MEGF6: variants seen among roughly 807,000 people sequenced by gnomAD.
The protein encoded by MEGF6 is multiple EGF like domains 6, also known as multiple epidermal growth factor-like domains protein 6.
MEGF6 carries 184 observed loss-of-function variants against 207.1 expected under a neutral mutation model. The observed-to-expected ratio is 0.89, with a 90% CI of 0.79 to 1.00. The LOEUF is 1.00. Among genes scored for constraint, MEGF6 ranks in the 50% least tolerant of loss-of-function variants. The pLI, the probability that MEGF6 is intolerant of heterozygous loss-of-function variation, is 0.00. For synonymous variants in MEGF6, 1,038 were observed against 910.0 expected (o/e 1.14, Z -2.53); for missense variants, 2,282 against 2,202.9 (o/e 1.04, Z -0.72).
At chr1:3,557,229 G>A (rs1180636976) in intron 4 of MEGF6, among the ~76,000 whole-genome samples, 1 of 152,238 alleles carries the variant, frequency 6.6e-6, no homozygotes, top group Non-Finnish European at 1.5e-5. Context: ...CCTGAGCTGG[G>A]ATTCTACCTT....
intron 1 of MEGF6, among the ~76,000 whole-genome samples, chr1:3,607,433 AATTG>A (rs1644265828): frequency 6.7e-6 from 1 of 149,204 alleles, no homozygotes; most frequent in African/African-American, 2.6e-5. Flanking sequence ...CCCCCAACAA[AATTG>A]ATTGATCATC....
At chr1:3,544,044 C>T (rs968708935) in intron 4 of MEGF6, among the ~76,000 whole-genome samples, 4 of 152,034 alleles carry the variant, frequency 2.6e-5, no homozygotes, top group South Asian at 2.1e-4. Flanking sequence ...AGAGCCTCTG[C>T]GCGCCGCACC....
chr1:3,492,906 C>T, intron 34 of MEGF6, 139 bp from the exon 35 acceptor site: 2 of 1,245,752 alleles, frequency 1.6e-6, no homozygotes, highest in Non-Finnish European at 2.2e-6. Flanking sequence ...GAGCTAAGAC[C>T]TTGGGCCTCG....
intron 5 of MEGF6, among the ~76,000 whole-genome samples, chr1:3,517,673 C>T (rs1245581119): frequency 1.3e-5 from 2 of 152,194 alleles, no homozygotes; most frequent in Non-Finnish European, 2.9e-5. Flanking sequence ...CCAGCCACCC[C>T]TACCCAGGCC....
chr1:3,499,324 G>T (rs1217107167), intron 23 of MEGF6, 58 bp from the exon 24 acceptor site: 18 of 1,541,840 alleles, frequency 1.2e-5, no homozygotes, highest in Non-Finnish European at 1.6e-5. Context: ...GGGGTTGGCA[G>T]CAGATCACAG....
chr1:3,500,767 G>A lies in MEGF6; in HGVS notation c.2576-3C>T, dbSNP rs760092637. 6.2e-7 allele frequency: 1 copy of A among 1,605,590 alleles called. No homozygotes were observed. The highest frequency in any genetic ancestry group is 8.5e-7 in the Non-Finnish European group (1 of 1,176,440). On this transcript the variant is annotated splice_region_variant and splice_polypyrimidine_tract_variant and intron_variant, in intron 20 of 36. Transcript: ENST00000356575. ...TCCCCAGTGCCCAGTATCACAGGCT[G>A]CAACAGAACTCAGGGTCACCCGGCG...
intron 4 of MEGF6, among the ~76,000 whole-genome samples, chr1:3,551,478 G>A (rs950279838): frequency 2.6e-5 from 4 of 152,128 alleles, no homozygotes; most frequent in Admixed American, 1.3e-4. Flanking sequence ...CCTCCCCTGG[G>A]ACCAGGCACT....
At chr1:3,578,515 G>A (rs539974874) in intron 4 of MEGF6, among the ~76,000 whole-genome samples, 18 of 150,206 alleles carry the variant, frequency 1.2e-4, no homozygotes, top group African/African-American at 4.4e-4. Context: ...ATGTCACAGG[G>A]CAATGACAGG....
Position 3,514,699 on chromosome 1 carries a change from T to C in MEGF6, c.731-27A>G. 2.6e-6 allele frequency: 4 copies of C among 1,548,756 alleles called. 1 individual carries two copies. Among genetic ancestry groups the C allele is most frequent in the South Asian group, 2.3e-5 (2 of 85,570 alleles). On this transcript the variant is annotated intron_variant, in intron 6 of 36. Transcript: ENST00000356575. ...TGCAGCCACGGGCCCGAGGAGGGGG[T>C]TGGGGAGAGGGGACCCCAGTGGCTG...
intron 3 of MEGF6, among the ~76,000 whole-genome samples, chr1:3,581,465 T>C (rs549556204): frequency 3.3e-5 from 5 of 152,256 alleles, no homozygotes; most frequent in Non-Finnish European, 7.4e-5. Context: ...GAAGTTGCCA[T>C]GACCCTGGAG....
At chr1:3,593,469 C>T (rs1487539881) in intron 3 of MEGF6, among the ~76,000 whole-genome samples, 1 of 149,744 alleles carries the variant, frequency 6.7e-6, no homozygotes, top group African/African-American at 2.5e-5. Flanking sequence ...GGGGCACCCC[C>T]ACCCCCGCCC....
rs755535178 is a variant in MEGF6 at position 3,498,702 on chromosome 1, C to G, written c.3219G>C (p.Glu1073Asp). 1 of 1,566,992 alleles carries G rather than the reference C, an allele frequency of 6.4e-7. No individual in the cohort carries two copies. The highest frequency in any genetic ancestry group is 8.6e-7 in the Non-Finnish European group (1 of 1,158,784). ...CPEGWAGLAC[E>D]KECLPRDVRA... The stretch of plus-strand genomic sequence containing the variant: ...CCTCTGCCGCCCAGCGCTCACCCTT[C>G]TCACAGGCCAGGCCGGCCCAGCCCT... Residue 1073 changes from glutamate to aspartate, a missense_variant, in exon 25 of 37, where the codon GAG becomes GAC. Physicochemically the swap from Glu to Asp is conservative, Grantham distance 45. Coordinates refer to ENST00000356575, the MANE Select transcript of MEGF6 (RefSeq NM_001409.4).
chr1:3,509,024 T>C, intron 12 of MEGF6, 51 bp downstream of exon 12: 4 of 1,471,568 alleles, frequency 2.7e-6, no homozygotes, highest in Non-Finnish European at 3.6e-6. Flanking sequence ...GAGGGGTCGC[T>C]GGCTGCTGGC....
chr1:3,494,561 C>G, intron 31 of MEGF6, 52 bp downstream of exon 31: 1 of 1,562,420 alleles, frequency 6.4e-7, no homozygotes, highest in Non-Finnish European at 8.6e-7. Context: ...TATGGCAGCC[C>G]AGGGCACCTC....
chr1:3,581,214 G>A (rs1028860259), intron 3 of MEGF6, among the ~76,000 whole-genome samples: 1 of 152,114 alleles, frequency 6.6e-6, no homozygotes, highest in African/African-American at 2.4e-5. Flanking sequence ...AGGAGGACCC[G>A]GCCTGGGCTG....
upstream of MEGF6, among the ~76,000 whole-genome samples, chr1:3,614,325 C>T (rs1644361064): frequency 6.6e-6 from 1 of 152,222 alleles, no homozygotes; most frequent in Non-Finnish European, 1.5e-5. Context: ...CAAAGTGTGT[C>T]TTCCTGCCCA....
intron 4 of MEGF6, among the ~76,000 whole-genome samples, chr1:3,530,863 C>T (rs1367615533): frequency 1.3e-5 from 2 of 152,220 alleles, no homozygotes; most frequent in Non-Finnish European, 2.9e-5. Context: ...TTAGTAGCCT[C>T]TGCCGACAGC....
intron 6 of MEGF6, among the ~76,000 whole-genome samples, chr1:3,515,089 C>G (rs1641494780): frequency 6.6e-6 from 1 of 152,330 alleles, no homozygotes; most frequent in Admixed American, 6.5e-5. Context: ...TTCTGGAGGA[C>G]CACTGAGTCT....
chr1:3,490,418 G>C lies in MEGF6; in HGVS notation c.*110C>G, dbSNP rs541482469. 4 of 1,224,684 alleles carry C rather than the reference G, an allele frequency of 3.3e-6. No individual in the cohort carries two copies. Among genetic ancestry groups the C allele is most frequent in the Non-Finnish European group, 4.6e-6 (4 of 861,320 alleles). 75.9% of individuals were successfully genotyped at this position (1,224,684 alleles called of 1,614,324 possible). Reference sequence around the variant, plus strand: ...CAGCCCTCCACGGCCCTCAAAGGAAGGGCAGTACCAGGAGCTCTGGGCCCG... The same window carrying C: ...CAGCCCTCCACGGCCCTCAAAGGAACGGCAGTACCAGGAGCTCTGGGCCCG... On this transcript the variant is annotated 3_prime_UTR_variant, in exon 37 of 37. Transcript: ENST00000356575.
Sources: allele counts gnomAD v4.1 joint callset (sites outside exome capture counted in the v4.1 genomes callset), GRCh38; gene constraint gnomAD v4.1.1; transcripts MANE v1.5; gene names NCBI Gene and HGNC (gene_info 2026-07-23, HGNC 2026-07-21).